Variants in RNF144A observed in about 807,000 individuals in gnomAD.
RNF144A encodes the protein E3 ubiquitin-protein ligase RNF144A.
A neutral mutation model predicts 38.7 loss-of-function variants in RNF144A; 11 were observed. The ratio of observed to expected loss-of-function variants is 0.28; its 90% CI spans 0.18 to 0.47. RNF144A has a LOEUF of 0.47. Among genes scored for constraint, RNF144A ranks in the 20% least tolerant of loss-of-function variants. The pLI is 0.99. For synonymous variants in RNF144A, 149 were observed against 143.9 expected (o/e 1.04, Z -0.25); for missense variants, 316 against 377.2 (o/e 0.84, Z 1.34).
intron 6 of RNF144A, among the ~76,000 whole-genome samples, chr2:7,066,383 G>T (rs775432626): frequency 6.6e-6 from 1 of 152,156 alleles, no homozygotes; most frequent in South Asian, 2.1e-4. Flanking sequence ...CACCATGCCC[G>T]GTCAAGTTTT....
intron 1 of RNF144A, among the ~76,000 whole-genome samples, chr2:6,939,486 G>T (rs1287517490): frequency 6.6e-6 from 1 of 152,166 alleles, no homozygotes; most frequent in African/African-American, 2.4e-5. Flanking sequence ...GCCTTTATCA[G>T]ATATATGATT....
chr2:7,032,930 T>C (rs1416526177), intron 8 of RNF144A, among the ~76,000 whole-genome samples: 1 of 152,244 alleles, frequency 6.6e-6, no homozygotes, highest in African/African-American at 2.4e-5. Flanking sequence ...TTCCCTGGGC[T>C]GTAGGTAGGG....
chr2:7,071,038 G>A (rs565238943), downstream of RNF144A, among the ~76,000 whole-genome samples: 131 of 149,692 alleles, frequency 8.8e-4, 1 homozygote, highest in African/African-American at 3.2e-3. Flanking sequence ...AGGTTCAAGC[G>A]ATTCTCCTGC....
intron 1 of RNF144A, among the ~76,000 whole-genome samples, chr2:6,929,941 T>C (rs1035938172): frequency 6.6e-6 from 1 of 152,204 alleles, no homozygotes; most frequent in African/African-American, 2.4e-5. Context: ...GAAATAAATA[T>C]AAATCACGTT....
intron 1 of RNF144A, among the ~76,000 whole-genome samples, chr2:6,933,721 TTAAG>T (rs33940325): frequency 0.52 from 78,264 of 151,114 alleles, 21,369 homozygotes; most frequent in Non-Finnish European, 0.61. Context: ...AGTATATAAA[TTAAG>T]TGTGTGTTCA....
At chr2:7,037,739 C>G (rs1303708151) in intron 8 of RNF144A, among the ~76,000 whole-genome samples, 1 of 152,212 alleles carries the variant, frequency 6.6e-6, no homozygotes, top group East Asian at 1.9e-4. Context: ...TACTTTGTTC[C>G]ACACATCTGG....
intron 6 of RNF144A, among the ~76,000 whole-genome samples, chr2:7,067,822 C>G (rs917073201): frequency 6.6e-6 from 1 of 152,140 alleles, no homozygotes; most frequent in African/African-American, 2.4e-5. Context: ...AAGAACGCTG[C>G]TAAGTCAGTT....
At chr2:7,035,362 A>G (rs1242202408) in intron 8 of RNF144A, among the ~76,000 whole-genome samples, 1 of 152,078 alleles carries the variant, frequency 6.6e-6, no homozygotes, top group East Asian at 1.9e-4. Flanking sequence ...TAACCCATAA[A>G]ACATCCCTGT....
At chr2:7,036,194 C>A (rs983496832) in intron 8 of RNF144A, among the ~76,000 whole-genome samples, 1 of 152,196 alleles carries the variant, frequency 6.6e-6, no homozygotes, top group African/African-American at 2.4e-5. Flanking sequence ...TGTGGAGGAG[C>A]ATTTCATTTT....
chr2:7,020,548 G>T lies in RNF144A; in HGVS notation c.377G>T (p.Gly126Val), dbSNP rs1271501271. 7.4e-6 allele frequency: 12 copies of T among 1,613,424 alleles called. No homozygotes were observed. The highest frequency in any genetic ancestry group is 1.0e-5 in the Non-Finnish European group (12 of 1,180,028). Residue 126 changes from glycine to valine, a missense_variant, in exon 6 of 9, where the codon GGG (glycine) becomes GTG (valine). By Grantham distance (109) the Gly-to-Val change is moderately radical. Coordinates refer to ENST00000320892, the MANE Select transcript of RNF144A (RefSeq NM_014746.6). ...GCTGTGTGTCAGCTCCAGGACGTGG[G>T]GCTGCAGACCCCCCAGCCAGTGCAG... ...CQAVCQLQDV[G>V]LQTPQPVQCK...
intron 6 of RNF144A, among the ~76,000 whole-genome samples, chr2:7,063,668 G>A (rs1450120762): frequency 6.6e-6 from 1 of 152,070 alleles, no homozygotes; most frequent in African/African-American, 2.4e-5. Context: ...AGCCACAGAA[G>A]GTACACTCAG....
chr2:6,969,667 G>A (rs1667877134), intron 2 of RNF144A, among the ~76,000 whole-genome samples: 2 of 152,228 alleles, frequency 1.3e-5, no homozygotes, highest in African/African-American at 2.4e-5. Context: ...TGCTGACAAT[G>A]CCACAGGTGA....
chr2:7,012,927 T>C (rs1670910177), intron 3 of RNF144A, among the ~76,000 whole-genome samples: 1 of 152,192 alleles, frequency 6.6e-6, no homozygotes. Flanking sequence ...CCCAGGCAGA[T>C]CAAAAGAACA....
intron 3 of RNF144A, among the ~76,000 whole-genome samples, chr2:7,007,358 G>A (rs1048042893): frequency 2.0e-5 from 3 of 152,196 alleles, no homozygotes; most frequent in Admixed American, 1.3e-4. Flanking sequence ...AGTGTCACAC[G>A]ATTACAACTT....
At chr2:6,969,762 TTTTG>T (rs1157191194) in intron 2 of RNF144A, among the ~76,000 whole-genome samples, 4 of 152,096 alleles carry the variant, frequency 2.6e-5, no homozygotes, top group Non-Finnish European at 4.4e-5. Context: ...TTACAAATCT[TTTTG>T]TTTGTTTGTT....
At chr2:6,926,683 G>A (rs1664894865) in intron 1 of RNF144A, among the ~76,000 whole-genome samples, 2 of 152,312 alleles carry the variant, frequency 1.3e-5, no homozygotes, top group South Asian at 2.1e-4. Context: ...CTCATAGGAG[G>A]CGCTCAATAA....
At chr2:7,028,845 G>A (rs1672090487) in intron 7 of RNF144A, among the ~76,000 whole-genome samples, 2 of 152,206 alleles carry the variant, frequency 1.3e-5, no homozygotes, top group Admixed American at 6.5e-5. Context: ...GGGCACAGAA[G>A]CGAGGCAGAC....
intron 1 of RNF144A, among the ~76,000 whole-genome samples, chr2:6,921,024 A>G (rs1485160142): frequency 3.9e-5 from 6 of 152,198 alleles, no homozygotes; most frequent in African/African-American, 1.2e-4. Context: ...TTTCCAGGAG[A>G]ATAAATATTA....
chr2:6,967,196 A>G (rs1667724246), intron 2 of RNF144A, among the ~76,000 whole-genome samples: 1 of 152,198 alleles, frequency 6.6e-6, no homozygotes, highest in South Asian at 2.1e-4. Context: ...CATGTGTGAT[A>G]ATGAACTTTA....
Sources: gnomAD v4.1 joint callset for allele counts (sites outside exome capture counted in the v4.1 genomes callset) on GRCh38, gnomAD v4.1.1 for gene constraint, MANE v1.5 for transcripts, NCBI Gene and HGNC (gene_info 2026-07-23, HGNC 2026-07-21) for gene names.